Variants in PHLDB1 observed in about 807,000 individuals in gnomAD.
PHLDB1 encodes the protein pleckstrin homology-like domain family B member 1.
PHLDB1 carries 65 observed loss-of-function variants against 139.3 expected under a neutral mutation model. The ratio of observed to expected loss-of-function variants is 0.47; its 90% confidence interval spans 0.38 to 0.57. The LOEUF is 0.57. Ranked by LOEUF, PHLDB1 falls within the 20% of genes least tolerant of loss-of-function variation. The pLI is 0.00. For synonymous variants in PHLDB1, 679 were observed against 734.5 expected (o/e 0.92, Z 1.22); for missense variants, 1,624 against 1,839.7 (o/e 0.88, Z 2.14).
chr11:118,607,172 G>A (rs538551472), upstream of PHLDB1, among the ~76,000 whole-genome samples: 13 of 151,828 alleles, frequency 8.6e-5, no homozygotes, highest in East Asian at 2.1e-3. Flanking sequence ...GTGGGAGCCC[G>A]TGGAGGTTTC....
intron 12 of PHLDB1, chr11:118,641,855 C>T (rs1565473875): frequency 4.2e-6 from 5 of 1,183,440 alleles, no homozygotes; most frequent in Non-Finnish European, 5.5e-6. Context: ...TGCTCCTGCT[C>T]ACCTGGCCTC....
intron 18 of PHLDB1, 128 bp downstream of exon 18, chr11:118,648,204 T>C: frequency 1.1e-6 from 1 of 949,018 alleles, no homozygotes; most frequent in Non-Finnish European, 1.6e-6. Flanking sequence ...GCTGTTGGCT[T>C]AATACTAGCA....
Position 118,611,181 on chromosome 11 carries a change from G to T in PHLDB1, c.-21-2635G>T, listed in dbSNP as rs1228305993. ...GTGGCCGCTCTCGGCCGCGGCGATC[G>T]CCCTTTGGGAAAGCACCGCCTGAGT... On this transcript the variant is annotated intron_variant, in intron 1 of 22. Coordinates refer to ENST00000600882, the MANE Select transcript of PHLDB1 (RefSeq NM_001144758.3). This position sits in a 1 kb window ranked among gnomAD's most constrained non-coding sequence, Gnocchi z 4.7. Among the ~76,000 whole-genome samples the T allele has an allele frequency of 6.6e-6, 1 of 152,232 alleles. No homozygotes were observed. Among genetic ancestry groups the T allele is most frequent in the African/African-American group, 2.4e-5 (1 of 41,470 alleles).
intron 12 of PHLDB1, chr11:118,639,929 G>A: frequency 1.0e-6 from 1 of 986,124 alleles, no homozygotes; most frequent in Non-Finnish European, 1.2e-6. Flanking sequence ...TTTTCCCAGG[G>A]TCTTCTCAGG....
chr11:118,643,182 C>T (rs1401882365), intron 13 of PHLDB1, among the ~76,000 whole-genome samples: 1 of 152,172 alleles, frequency 6.6e-6, no homozygotes, highest in Non-Finnish European at 1.5e-5. Context: ...ATTCTCTGAT[C>T]ATCATCATAG....
Position 118,650,640 on chromosome 11 carries a change from C to A in PHLDB1, c.3874+93C>A. ...GTCTTCTAGAAGGAGGCCAAGCTTC[C>A]AAGTAGGGGACCAGAGTCTTGGGCT... is the stretch of plus-strand genomic sequence containing the variant. On this transcript the variant is annotated intron_variant, in intron 20 of 22. Transcript: ENST00000600882. This position sits in a 1 kb window ranked among gnomAD's most constrained non-coding sequence, Gnocchi z 4.7. 1.2e-6 allele frequency: 1 copy of A among 839,542 alleles called. No homozygotes were observed. The highest frequency in any genetic ancestry group is 2.0e-6 in the Non-Finnish European group (1 of 489,650). The allele number at this position is 839,542 out of a possible 1,614,324, so 52.0% of individuals were successfully genotyped here.
At chr11:118,649,424 C>T (rs1948040761) in intron 18 of PHLDB1, among the ~76,000 whole-genome samples, 1 of 152,202 alleles carries the variant, frequency 6.6e-6, no homozygotes, top group African/African-American at 2.4e-5. Flanking sequence ...GGGGCTCAGG[C>T]ATTGCTGCAG....
At position 118,610,565 on chromosome 11, in the gene PHLDB1, G is replaced by A. The variant is rs1470853642; in HGVS notation, c.-22+2866G>A. On this transcript the variant is annotated intron_variant, in intron 1 of 22. Transcript: ENST00000600882. The surrounding 1 kb of genome is among the most constrained non-coding windows in gnomAD (Gnocchi z 8.7). ...ACCCGCGGGGCTCCGGGGAGCGCCC[G>A]AGCAGTGGCCCCGCGAAGGGCCGGG... The A allele has an allele frequency of 3.8e-6, 3 of 792,364 alleles. No individual in the cohort carries two copies. The highest frequency in any genetic ancestry group is 1.1e-4 in the South Asian group (2 of 17,664). The allele number at this position is 792,364 out of a possible 1,614,324, so 49.1% of individuals were successfully genotyped here. A position where few individuals can be genotyped will look rare whatever the true frequency, so the allele number is the denominator to read the frequency against.
intron 2 of PHLDB1, 80 bp from the exon 3 acceptor site, chr11:118,614,479 A>C: frequency 3.8e-5 from 57 of 1,505,590 alleles, no homozygotes; most frequent in Middle Eastern, 1.7e-4. Flanking sequence ...CGAGGGCTGG[A>C]GAGAGTGCTG....
At chr11:118,629,332 G>A (rs1401448217) in intron 6 of PHLDB1, among the ~76,000 whole-genome samples, 1 of 152,232 alleles carries the variant, frequency 6.6e-6, no homozygotes, top group Non-Finnish European at 1.5e-5. Context: ...ATGCACGTGG[G>A]TGCATGCAGG....
In PHLDB1 at chr11:118,610,788, G is replaced by T. The variant is rs1394092282; in HGVS notation, c.-21-3028G>T. Among the ~76,000 whole-genome samples, 5 of 152,154 alleles carry T rather than the reference G, an allele frequency of 3.3e-5. No homozygotes were observed. The highest frequency in any genetic ancestry group is 5.9e-5 in the Non-Finnish European group (4 of 68,000). On this transcript the variant is annotated intron_variant, in intron 1 of 22. Coordinates refer to ENST00000600882, the MANE Select transcript of PHLDB1 (RefSeq NM_001144758.3). This position sits in a 1 kb window ranked among gnomAD's most constrained non-coding sequence, Gnocchi z 8.7. ...TTCAGACTGGTGTCCCGCGTGGCTGGGGTGTCGGCGCATTCCCGCGGGGGA... is the reference window on the plus strand; with the variant it reads ...TTCAGACTGGTGTCCCGCGTGGCTGTGGTGTCGGCGCATTCCCGCGGGGGA...
intron 12 of PHLDB1, chr11:118,640,800 T>G (rs1212485972): frequency 6.6e-6 from 1 of 152,250 alleles, no homozygotes; most frequent in East Asian, 1.9e-4. Context: ...TCTGTGGGCT[T>G]CTTTGCCTGC....
In PHLDB1 at chr11:118,658,016, T is replaced by C; in HGVS notation, c.*1193T>C. The C allele has an allele frequency of 1.2e-5, 6 of 491,564 alleles. No individual in the cohort carries two copies. In the Admixed American group the frequency reaches 1.6e-4, roughly 13 times the overall value. 30.5% of individuals were successfully genotyped at this position (491,564 alleles called of 1,614,324 possible). ...GCATTTCAGCAGAACAATAAAGCCT[T>C]TGGACTACGGAAGTGAGTGGAAGGC... is the stretch of plus-strand genomic sequence containing the variant. On this transcript the variant is annotated 3_prime_UTR_variant, in exon 23 of 23. Transcript: ENST00000600882.
At chr11:118,629,565 G>C (rs1278699050) in intron 6 of PHLDB1, among the ~76,000 whole-genome samples, 8 of 152,224 alleles carry the variant, frequency 5.3e-5, no homozygotes, top group African/African-American at 2.4e-5. Flanking sequence ...AAGAGAACCA[G>C]AACTGATGAG....
At chr11:118,656,132 G>A (rs921105370) in intron 22 of PHLDB1, among the ~76,000 whole-genome samples, 5 of 152,074 alleles carry the variant, frequency 3.3e-5, no homozygotes, top group South Asian at 2.1e-4. Context: ...AGGGATGGCC[G>A]GAAGGGGTGG....
At chr11:118,618,093 A>G (rs782033726) in intron 4 of PHLDB1, among the ~76,000 whole-genome samples, 4 of 152,126 alleles carry the variant, frequency 2.6e-5, no homozygotes, top group Non-Finnish European at 5.9e-5. Context: ...GGAATTCTGA[A>G]GCATTTCCTG....
At chr11:118,619,231 G>A (rs782649509) in intron 4 of PHLDB1, among the ~76,000 whole-genome samples, 2 of 152,144 alleles carry the variant, frequency 1.3e-5, no homozygotes, top group Non-Finnish European at 1.5e-5. Flanking sequence ...AGGCTGTCTA[G>A]ACAGTAGGTC....
At chr11:118,647,058 T>C (rs989749623) in intron 17 of PHLDB1, 1 of 152,250 alleles carries the variant, frequency 6.6e-6, no homozygotes, top group Admixed American at 6.5e-5. Flanking sequence ...TAATTATTTG[T>C]TTTAATGACT....
At chr11:118,615,864 C>G (rs1342240642) in intron 3 of PHLDB1, among the ~76,000 whole-genome samples, 177 bp from the exon 4 acceptor site, 1 of 152,208 alleles carries the variant, frequency 6.6e-6, no homozygotes, top group East Asian at 1.9e-4. Flanking sequence ...TTGAGAACAG[C>G]GTCCATCACT....
Sources: allele counts gnomAD v4.1 joint callset (sites outside exome capture counted in the v4.1 genomes callset), GRCh38; gene constraint gnomAD v4.1.1; non-coding constraint Gnocchi (gnomAD v3.1); transcripts MANE v1.5; gene names NCBI Gene and HGNC (gene_info 2026-07-23, HGNC 2026-07-21).